Variants in WWP2 observed in about 807,000 individuals in gnomAD.
The protein encoded by WWP2 is NEDD4-like E3 ubiquitin-protein ligase WWP2.
Under a neutral mutation model 121.0 loss-of-function variants are expected in WWP2, and 57 were observed. That is an observed-to-expected ratio of 0.47 (90% CI 0.38 to 0.59). WWP2 has a LOEUF of 0.59. WWP2 is among the 20% of genes least tolerant of loss of function. The probability of loss-of-function intolerance (pLI) is 0.00; values close to 1 mark genes in which losing one functional copy is unlikely to be tolerated. For missense variants in WWP2, 962 were observed against 1,158.9 expected (o/e 0.83, Z 2.47); for synonymous variants, 449 against 441.3 (o/e 1.02, Z -0.22).
chr16:69,821,837 C>T (rs187740652), intron 4 of WWP2, among the ~76,000 whole-genome samples: 25 of 150,264 alleles, frequency 1.7e-4, no homozygotes, highest in African/African-American at 4.6e-4. Flanking sequence ...GGATTATAGG[C>T]GTGAGCCACC....
chr16:69,923,043 C>G (rs576650190), intron 10 of WWP2, among the ~76,000 whole-genome samples: 1 of 152,102 alleles, frequency 6.6e-6, no homozygotes, highest in African/African-American at 2.4e-5. Flanking sequence ...GTGCCTGCCA[C>G]TATGCCTGGC....
At chr16:69,777,142 CAT>C (rs772253222) in intron 1 of WWP2, among the ~76,000 whole-genome samples, 46 of 150,726 alleles carry the variant, frequency 3.1e-4, no homozygotes, top group Non-Finnish European at 4.7e-4. Flanking sequence ...TATATATACA[CAT>C]ATGTGTATAT....
At chr16:69,871,039 A>G (rs2057625982) in intron 6 of WWP2, among the ~76,000 whole-genome samples, 2 of 152,180 alleles carry the variant, frequency 1.3e-5, no homozygotes, top group Admixed American at 1.3e-4. Flanking sequence ...TAATCCCAGC[A>G]CTTTGGGAGG....
At chr16:69,932,317 C>A (rs746068285) in intron 16 of WWP2, among the ~76,000 whole-genome samples, 1 of 152,322 alleles carries the variant, frequency 6.6e-6, no homozygotes, top group South Asian at 2.1e-4. Flanking sequence ...GCAACAAGAG[C>A]GAAACTCCAT....
At chr16:69,801,671 G>A (rs898295274) in intron 4 of WWP2, among the ~76,000 whole-genome samples, 5 of 151,514 alleles carry the variant, frequency 3.3e-5, no homozygotes, top group Non-Finnish European at 7.4e-5. Context: ...CTCAGCCTCC[G>A]GAATAGCTGG....
intron 7 of WWP2, 66 bp downstream of exon 7, chr16:69,871,997 C>T: frequency 6.5e-7 from 1 of 1,548,228 alleles, no homozygotes; most frequent in South Asian, 1.2e-5. Flanking sequence ...CTAACGTGGA[C>T]ACGGGATCCT....
chr16:69,846,554 C>G (rs1023158485), intron 6 of WWP2, among the ~76,000 whole-genome samples: 1 of 152,052 alleles, frequency 6.6e-6, no homozygotes, highest in East Asian at 1.9e-4. Flanking sequence ...AACTTCTTCT[C>G]TACTAAAAAT....
intron 6 of WWP2, among the ~76,000 whole-genome samples, chr16:69,866,144 G>A (rs1025939442): frequency 6.6e-6 from 1 of 151,948 alleles, no homozygotes; most frequent in African/African-American, 2.4e-5. Context: ...GAGGAGCTTA[G>A]GATTTTATTA....
At chr16:69,928,148 T>C (rs2058665564) in intron 11 of WWP2, among the ~76,000 whole-genome samples, 1 of 152,160 alleles carries the variant, frequency 6.6e-6, no homozygotes, top group Non-Finnish European at 1.5e-5. Context: ...AGGAGGGGGT[T>C]GTTGCACTTC....
chr16:69,908,398 G>T (rs1443732089), intron 8 of WWP2, among the ~76,000 whole-genome samples: 1 of 152,162 alleles, frequency 6.6e-6, no homozygotes, highest in Non-Finnish European at 1.5e-5. Flanking sequence ...GAAGGGAAAG[G>T]GTCCTCAGCT....
chr16:69,840,058 A>G lies in WWP2; in HGVS notation c.341-68A>G, dbSNP rs549515763. On this transcript the variant is annotated intron_variant, in intron 4 of 23. Coordinates refer to ENST00000359154, the MANE Select transcript of WWP2 (RefSeq NM_001270454.2). ...CAGCAAAGGTGAAATGAAAGCTTCT[A>G]ATTTAGAGAATCTTAACTTGGGGTG... 3.8e-6 allele frequency: 6 copies of G among 1,589,636 alleles called. No individual in the cohort carries two copies. The African/African-American group carries it at 6.7e-5, about 18-fold the overall frequency.
rs561273368 is a variant in WWP2 at position 69,852,428 on chromosome 16, C to T, written c.575+10308C>T. Among the ~76,000 whole-genome samples, 10 of 152,188 alleles carry T rather than the reference C, an allele frequency of 6.6e-5. No individual in the cohort carries two copies. The South Asian group carries it at 8.3e-4, about 13-fold the overall frequency. On this transcript the variant is annotated intron_variant, in intron 6 of 23. Transcript: ENST00000359154. ...AGTAGCTGGGTGGCACCTGCCACCA[C>T]GCCCAGCTAATTTTTTTGTATTTTA...
intron 11 of WWP2, among the ~76,000 whole-genome samples, chr16:69,928,227 A>G (rs1286870088): frequency 6.6e-6 from 1 of 152,022 alleles, no homozygotes; most frequent in Non-Finnish European, 1.5e-5. Flanking sequence ...TTGTTTCTTT[A>G]ATGCTGCCCT....
chr16:69,818,107 T>G (rs952321242), intron 4 of WWP2, among the ~76,000 whole-genome samples: 2 of 152,160 alleles, frequency 1.3e-5, no homozygotes, highest in Admixed American at 6.5e-5. Flanking sequence ...GTTGTCAGTC[T>G]TTTTAACTTA....
intron 6 of WWP2, among the ~76,000 whole-genome samples, chr16:69,849,703 GAGGCTGAGGC>G (rs924793878): frequency 1.3e-5 from 2 of 152,096 alleles, no homozygotes; most frequent in African/African-American, 4.8e-5. Context: ...AGCTCTTTGG[GAGGCTGAGGC>G]AGAAGGATCG....
At chr16:69,771,584 G>T (rs919048031) in intron 1 of WWP2, among the ~76,000 whole-genome samples, 75 of 152,334 alleles carry the variant, frequency 4.9e-4, no homozygotes, top group African/African-American at 1.6e-3. Context: ...ATTGGAAAGT[G>T]TTAGTCATCC....
At chr16:69,870,021 C>T (rs2057604780) in intron 6 of WWP2, among the ~76,000 whole-genome samples, 1 of 152,212 alleles carries the variant, frequency 6.6e-6, no homozygotes, top group Non-Finnish European at 1.5e-5. Flanking sequence ...TTCAGGCTTC[C>T]TGTCCCATCT....
At chr16:69,931,660 A>C in intron 15 of WWP2, 80 bp downstream of exon 15, 1 of 1,595,572 alleles carries the variant, frequency 6.3e-7, no homozygotes, top group Middle Eastern at 1.7e-4. Flanking sequence ...TGGCCTGTTA[A>C]ACCCACACTG....
At position 69,888,216 on chromosome 16, in the gene WWP2, C is replaced by T. The variant is rs749215554; in HGVS notation, c.881C>T (p.Ala294Val). The T allele has an allele frequency of 1.8e-5, 29 of 1,614,024 alleles. No individual in the cohort carries two copies. The highest frequency in any genetic ancestry group is 7.7e-5 in the South Asian group (7 of 91,088). Residue 294 changes from alanine (A) to valine (V), a missense_variant, in exon 8 of 24, where the codon GCG becomes GTG. Transcript: ENST00000359154. ...PSTSGTQQLP[A>V]AAQAPDALPA... is the part of the protein sequence containing the mutation. ...ACTTCGGGTACACAGCAGCTCCCAGCGGCTGCCCAGGCCCCCGACGCTCTG... is the reference window on the plus strand; with the variant it reads ...ACTTCGGGTACACAGCAGCTCCCAGTGGCTGCCCAGGCCCCCGACGCTCTG...
Sources: gnomAD v4.1 joint callset for allele counts (sites outside exome capture counted in the v4.1 genomes callset) on GRCh38, gnomAD v4.1.1 for gene constraint, MANE v1.5 for transcripts, NCBI Gene and HGNC (gene_info 2026-07-23, HGNC 2026-07-21) for gene names.